Variants in SLC18B1 observed in about 807,000 individuals in gnomAD.
SLC18B1 encodes MFS-type transporter SLC18B1.
A neutral mutation model predicts 53.9 loss-of-function variants in SLC18B1; 62 were observed. The ratio of observed to expected loss-of-function variants is 1.15; its 90% CI spans 0.94 to 1.42. SLC18B1 has a LOEUF of 1.42. SLC18B1 is among the 40% of genes most tolerant of loss of function. The probability of loss-of-function intolerance (pLI) is 0.00; values close to 1 mark genes in which losing one functional copy is unlikely to be tolerated. For missense variants in SLC18B1, 598 were observed against 547.3 expected, an observed-to-expected ratio of 1.09 and a Z score of -0.93; for synonymous variants, 217 against 200.9, an observed-to-expected ratio of 1.08 and a Z score of -0.68.
intron 8 of SLC18B1, among the ~76,000 whole-genome samples, chr6:132,774,968 G>C (rs976075795): frequency 6.6e-6 from 1 of 152,058 alleles, no homozygotes; most frequent in Non-Finnish European, 1.5e-5. Flanking sequence ...ACAATACCTA[G>C]AAAAATCACA....
At chr6:132,792,890 G>A (rs907355436) in intron 2 of SLC18B1, among the ~76,000 whole-genome samples, 3 of 152,136 alleles carry the variant, frequency 2.0e-5, no homozygotes, top group Non-Finnish European at 4.4e-5. Context: ...AGGCCAAGGC[G>A]AGTGGATCAC....
chr6:132,789,856 A>T lies in SLC18B1; in HGVS notation c.280-19T>A. 11 of 1,561,678 alleles carry T rather than the reference A, an allele frequency of 7.0e-6. No individual in the cohort carries two copies. Among genetic ancestry groups the T allele is most frequent in the Non-Finnish European group, 9.7e-6 (11 of 1,132,640 alleles). ...GTACAAGCTATAATAAATGTCAAAG[A>T]AGAGTGGTAAATTTATGACTTCCGA... On this transcript the variant is annotated intron_variant, in intron 3 of 13. Transcript: ENST00000275227.
At position 132,779,472 on chromosome 6, in the gene SLC18B1, T is replaced by C. The variant is rs925971277; in HGVS notation, c.659-68A>G. The C allele has an allele frequency of 2.6e-6, 4 of 1,519,870 alleles. No individual in the cohort carries two copies. The East Asian group carries it at 9.1e-5, about 35-fold the overall frequency. The allele number at this position is 1,519,870 out of a possible 1,614,324, so 94.1% of individuals were successfully genotyped here. A position where few individuals can be genotyped will look rare whatever the true frequency, so the allele number is the denominator to read the frequency against. ...TTAAAATCTCTTAATTTTAACTATT[T>C]GGAAAACTGGTAACACCATCTTTAT... On this transcript the variant is annotated intron_variant, in intron 6 of 13. Coordinates refer to ENST00000275227, the MANE Select transcript of SLC18B1 (RefSeq NM_052831.3).
At chr6:132,789,969 T>C in intron 3 of SLC18B1, 132 bp from the exon 4 acceptor site, 2 of 674,030 alleles carry the variant, frequency 3.0e-6, no homozygotes, top group Non-Finnish European at 5.0e-6. Context: ...TAATAATTCT[T>C]TAATATGGTG....
intron 4 of SLC18B1, among the ~76,000 whole-genome samples, chr6:132,788,636 C>T (rs1781443614): frequency 6.6e-6 from 1 of 151,992 alleles, no homozygotes; most frequent in South Asian, 2.1e-4. Flanking sequence ...GCCTGGCCAA[C>T]ATGGCGAAAT....
At position 132,797,625 on chromosome 6, in the gene SLC18B1, A is replaced by AAC. The variant is rs533684776; in HGVS notation, c.44-505_44-504insGT. Among the ~76,000 whole-genome samples, 134 of 151,664 alleles carry AAC rather than the reference A, an allele frequency of 8.8e-4. 1 individual carries two copies. In the East Asian group the frequency reaches 0.015, roughly 17 times the overall value. On this transcript the variant is annotated intron_variant, in intron 1 of 13. Transcript: ENST00000275227. ...AAAAGCAAAACAAAACAAACAAACA[A>AAC]AAACAAAAACAAAAACAAAAAACAA...
rs1303017982 is a variant in SLC18B1 at position 132,769,680 on chromosome 6, A to T, written c.*590T>A. On this transcript the variant is annotated 3_prime_UTR_variant, in exon 14 of 14. Coordinates refer to ENST00000275227, the MANE Select transcript of SLC18B1 (RefSeq NM_052831.3). ...TTATTCTTGTACTTTTCACACAAACAGAATTTTTAGAAAAGCTTAAGGTCA... is the reference window on the plus strand; with the variant it reads ...TTATTCTTGTACTTTTCACACAAACTGAATTTTTAGAAAAGCTTAAGGTCA... The T allele has an allele frequency of 1.3e-5, 2 of 152,254 alleles. No individual in the cohort carries two copies. The highest frequency in any genetic ancestry group is 3.8e-4 in the East Asian group (2 of 5,202). 9.4% of individuals were successfully genotyped at this position (152,254 alleles called of 1,614,324 possible).
chr6:132,770,252 A>G lies in SLC18B1; in HGVS notation c.*18T>C, dbSNP rs532051160. On this transcript the variant is annotated 3_prime_UTR_variant, in exon 14 of 14. Coordinates refer to ENST00000275227, the MANE Select transcript of SLC18B1 (RefSeq NM_052831.3). ...AGCATTCATTTCTCAACCTTGTATC[A>G]ATCCAGGATCCATCGGACTAGGTTT... The G allele has an allele frequency of 2.5e-6, 4 of 1,602,412 alleles. No individual in the cohort carries two copies. In the East Asian group the frequency reaches 8.9e-5, roughly 36 times the overall value.
Position 132,796,915 on chromosome 6 carries a change from T to A in SLC18B1, c.183+67A>T, listed in dbSNP as rs1781705885. 3.3e-6 allele frequency: 5 copies of A among 1,514,688 alleles called. No individual in the cohort carries two copies. In the African/African-American group the frequency reaches 5.6e-5, roughly 17 times the overall value. 93.8% of individuals were successfully genotyped at this position (1,514,688 alleles called of 1,614,324 possible). On this transcript the variant is annotated intron_variant, in intron 2 of 13. Transcript: ENST00000275227. ...TTTTATATACTATAAAATAAAATAATTCAAAAGGCTTTTAAAAAACAAACA... is the reference window on the plus strand; with the variant it reads ...TTTTATATACTATAAAATAAAATAAATCAAAAGGCTTTTAAAAAACAAACA...
At chr6:132,790,334 GA>G in intron 2 of SLC18B1, 62 bp from the exon 3 acceptor site, 1 of 1,163,484 alleles carries the variant, frequency 8.6e-7, no homozygotes, top group Non-Finnish European at 1.2e-6. Flanking sequence ...TGAAAAAATG[GA>G]AATAATAGAT....
At chr6:132,782,575 A>G (rs2114672129) in intron 6 of SLC18B1, among the ~76,000 whole-genome samples, 1 of 152,062 alleles carries the variant, frequency 6.6e-6, no homozygotes, top group South Asian at 2.1e-4. Context: ...TTTTTAGAGC[A>G]GTACAGGAGA....
At chr6:132,783,209 C>T (rs1435220202) in intron 6 of SLC18B1, among the ~76,000 whole-genome samples, 1 of 151,996 alleles carries the variant, frequency 6.6e-6, no homozygotes, top group Non-Finnish European at 1.5e-5. Context: ...AAGAGTCTCG[C>T]TCTATCACCC....
chr6:132,771,400 A>C (rs1229511403), intron 11 of SLC18B1, among the ~76,000 whole-genome samples: 1 of 152,216 alleles, frequency 6.6e-6, no homozygotes, highest in Non-Finnish European at 1.5e-5. Flanking sequence ...GATTTAAAAA[A>C]TTCTTTATAT....
intron 2 of SLC18B1, among the ~76,000 whole-genome samples, chr6:132,796,354 C>CAAAAAAAAAAAAAAAAA (rs780737208): frequency 2.2e-4 from 10 of 44,696 alleles, no homozygotes; most frequent in African/African-American, 1.1e-3. Context: ...GACTCCATCT[C>CAAAAAAAAAAAAAAAAA]AAAAAAAAAA....
chr6:132,787,124 G>C (rs905507127), intron 5 of SLC18B1, among the ~76,000 whole-genome samples: 1 of 152,116 alleles, frequency 6.6e-6, no homozygotes, highest in East Asian at 1.9e-4. Context: ...TCTAGGCTAC[G>C]GGGAGACAGC....
chr6:132,792,257 A>AGAGAGAGAGAGAGAGAGAGAG (rs1562271308), intron 2 of SLC18B1, among the ~76,000 whole-genome samples: 1 of 33,372 alleles, frequency 3.0e-5, no homozygotes, highest in Non-Finnish European at 5.6e-5. Flanking sequence ...GAAAGAAAGA[A>AGAGAGAGAGAGAGAGAGAGAG]AGAAAGAAAG....
At chr6:132,771,180 T>C (rs748850836) in intron 11 of SLC18B1, 51 bp from the exon 12 acceptor site, 17 of 1,496,436 alleles carry the variant, frequency 1.1e-5, no homozygotes, top group Non-Finnish European at 9.3e-7. Flanking sequence ...AATAAATAAT[T>C]ACTTCATGAA....
chr6:132,781,107 T>G lies in SLC18B1; in HGVS notation c.659-1703A>C, dbSNP rs142456667. Reference sequence around the variant, plus strand: ...AAGATTCTAATTTTAATTGGTTACATTTATTGTGAAAGTAAGAAGTATTAT... The same window carrying G: ...AAGATTCTAATTTTAATTGGTTACAGTTATTGTGAAAGTAAGAAGTATTAT... On this transcript the variant is annotated intron_variant, in intron 6 of 13. Transcript: ENST00000275227. Among the ~76,000 whole-genome samples, 822 of 152,322 alleles carry G rather than the reference T, an allele frequency of 5.4e-3. 4 individuals are homozygous for G. The highest frequency in any genetic ancestry group is 0.019 in the African/African-American group (792 of 41,564).
At chr6:132,777,573 G>A (rs1054546013) in intron 7 of SLC18B1, among the ~76,000 whole-genome samples, 1 of 152,084 alleles carries the variant, frequency 6.6e-6, no homozygotes. Context: ...AATTAGCCTG[G>A]CCTGGTGGCA....
Sources: allele counts gnomAD v4.1 joint callset (sites outside exome capture counted in the v4.1 genomes callset), GRCh38; gene constraint gnomAD v4.1.1; transcripts MANE v1.5; gene names NCBI Gene and HGNC (gene_info 2026-07-23, HGNC 2026-07-21).